Variants in DYNC1I1 observed in about 807,000 individuals in gnomAD.
DYNC1I1 encodes the protein dynein cytoplasmic 1 intermediate chain 1, also known as cytoplasmic dynein 1 intermediate chain 1.
Under a neutral mutation model 86.6 loss-of-function variants are expected in DYNC1I1, and 43 were observed. That is an observed-to-expected ratio of 0.50 (90% CI 0.39 to 0.64). The LOEUF is 0.64. Ranked by LOEUF, DYNC1I1 falls within the 30% of genes least tolerant of loss-of-function variation. DYNC1I1 has a pLI of 0.00. For synonymous variants in DYNC1I1, 262 were observed against 283.7 expected, an observed-to-expected ratio of 0.92 and a Z score of 0.77; for missense variants, 604 against 788.8, an observed-to-expected ratio of 0.77 and a Z score of 2.81.
intron 14 of DYNC1I1, chr7:96,055,808 G>A (rs1158839331): frequency 6.6e-6 from 1 of 152,130 alleles, no homozygotes; most frequent in Non-Finnish European, 1.5e-5. Context: ...AGGGAACCAG[G>A]CCTCAGTGTT....
chr7:95,936,597 G>A (rs897627981), intron 6 of DYNC1I1, among the ~76,000 whole-genome samples: 2 of 151,938 alleles, frequency 1.3e-5, no homozygotes, highest in Admixed American at 6.6e-5. Flanking sequence ...TACCAAAAAA[G>A]AGTACTGTAA....
intron 5 of DYNC1I1, among the ~76,000 whole-genome samples, chr7:95,855,720 G>T (rs542816418): frequency 7.7e-4 from 117 of 152,286 alleles, no homozygotes; most frequent in Non-Finnish European, 1.5e-3. Flanking sequence ...ATAGGCAGTT[G>T]TAGAACAATG....
At chr7:95,951,339 G>A (rs1792547003) in intron 6 of DYNC1I1, among the ~76,000 whole-genome samples, 2 of 152,108 alleles carry the variant, frequency 1.3e-5, no homozygotes, top group South Asian at 4.1e-4. Flanking sequence ...CATTTACGAA[G>A]CCTGGGATAT....
intron 6 of DYNC1I1, among the ~76,000 whole-genome samples, chr7:95,947,774 G>A (rs1232570794): frequency 6.6e-6 from 1 of 152,170 alleles, no homozygotes. Flanking sequence ...TAGGATCAGA[G>A]TGGGTGTTTG....
chr7:95,990,483 T>C (rs1166215116), intron 9 of DYNC1I1, among the ~76,000 whole-genome samples: 8 of 152,202 alleles, frequency 5.3e-5, no homozygotes, highest in Admixed American at 6.5e-5. Context: ...ACCTACTTTA[T>C]GTCATGCCCT....
intron 1 of DYNC1I1, among the ~76,000 whole-genome samples, chr7:95,801,235 CT>C (rs1269477640): frequency 2.0e-5 from 3 of 150,264 alleles, no homozygotes; most frequent in Non-Finnish European, 4.4e-5. Context: ...CTAATATAAT[CT>C]TTTTTTAAGT....
At chr7:95,958,572 G>C (rs1193580176) in intron 6 of DYNC1I1, among the ~76,000 whole-genome samples, 2 of 151,792 alleles carry the variant, frequency 1.3e-5, no homozygotes, top group Non-Finnish European at 1.5e-5. Context: ...TAAAAAAAAA[G>C]AAAAGAAAAG....
intron 16 of DYNC1I1, among the ~76,000 whole-genome samples, chr7:96,089,466 A>G (rs1304813665): frequency 6.6e-6 from 1 of 152,130 alleles, no homozygotes; most frequent in Non-Finnish European, 1.5e-5. Flanking sequence ...CAAGTTGGCT[A>G]CAGATTGATG....
intron 6 of DYNC1I1, among the ~76,000 whole-genome samples, chr7:95,972,203 T>G (rs553522237): frequency 1.3e-5 from 2 of 152,116 alleles, no homozygotes; most frequent in South Asian, 2.1e-4. Context: ...CTAGTGGGAT[T>G]TATTGGAAGG....
intron 16 of DYNC1I1, among the ~76,000 whole-genome samples, chr7:96,081,417 A>G (rs561291308): frequency 6.2e-4 from 95 of 152,166 alleles, no homozygotes; most frequent in Non-Finnish European, 1.0e-3. Flanking sequence ...TTATCTATCA[A>G]TTGTACTTAA....
rs768262973 is a variant in DYNC1I1, at chr7:96,110,052, T to TG, written c.1617dup (p.Leu540AlafsTer?). Reference sequence around the variant, plus strand: ...ATCCTCCTATGTTGGCCTCCCAAAGTGCTGGGATTACAGACATGAGCCACT... The same window carrying TG: ...ATCCTCCTATGTTGGCCTCCCAAAGTGGCTGGGATTACAGACATGAGCCACT... On this transcript the variant is annotated frameshift_variant, in exon 17 of 17. Transcript: ENST00000537881. LOFTEE classifies it high-confidence loss of function. 1 of 440,604 alleles carries TG rather than the reference T, an allele frequency of 2.3e-6. No homozygotes were observed. The highest frequency in any genetic ancestry group is 1.6e-5 in the South Asian group (1 of 62,546). 27.3% of individuals were successfully genotyped at this position (440,604 alleles called of 1,614,324 possible).
At chr7:95,795,660 C>A (rs1794417493) in intron 1 of DYNC1I1, among the ~76,000 whole-genome samples, 1 of 152,068 alleles carries the variant, frequency 6.6e-6, no homozygotes, top group Admixed American at 6.6e-5. Context: ...ACCAGATGTT[C>A]TTACTTGTAA....
intron 6 of DYNC1I1, among the ~76,000 whole-genome samples, chr7:95,974,343 G>A (rs542738386): frequency 6.6e-6 from 1 of 152,158 alleles, no homozygotes; most frequent in Non-Finnish European, 1.5e-5. Flanking sequence ...GTCAATATTT[G>A]TTAGACTCTA....
intron 6 of DYNC1I1, among the ~76,000 whole-genome samples, chr7:95,964,119 T>C (rs1009815687): frequency 6.6e-6 from 1 of 152,190 alleles, no homozygotes; most frequent in Non-Finnish European, 1.5e-5. Context: ...GCTAATGATC[T>C]TCCTTGAGAA....
At chr7:96,108,718 C>T (rs995253924) in intron 16 of DYNC1I1, among the ~76,000 whole-genome samples, 9 of 151,728 alleles carry the variant, frequency 5.9e-5, no homozygotes, top group Non-Finnish European at 1.3e-4. Context: ...AAAAATTAAC[C>T]GGGTGTGGTG....
At chr7:95,856,210 G>A (rs2600566) in intron 5 of DYNC1I1, among the ~76,000 whole-genome samples, 25 of 151,694 alleles carry the variant, frequency 1.6e-4, no homozygotes, top group East Asian at 1.9e-4. Flanking sequence ...GCACATTAGC[G>A]TAAGCATACA....
At chr7:96,083,242 A>G (rs544430580) in intron 16 of DYNC1I1, among the ~76,000 whole-genome samples, 81 of 152,298 alleles carry the variant, frequency 5.3e-4, no homozygotes, top group Admixed American at 1.8e-3. Context: ...TATAGCTCAG[A>G]AAAACTCAGA....
intron 6 of DYNC1I1, among the ~76,000 whole-genome samples, chr7:95,943,927 G>T (rs1792316611): frequency 6.6e-6 from 1 of 151,970 alleles, no homozygotes; most frequent in African/African-American, 2.4e-5. Context: ...AACCCTAGAA[G>T]AAAACCTAGG....
chr7:95,941,303 G>A (rs564433637), intron 6 of DYNC1I1, among the ~76,000 whole-genome samples: 2,200 of 152,040 alleles, frequency 0.014, 53 homozygotes, highest in African/African-American at 0.05. Context: ...CCAGCTGCGT[G>A]CTGGGAGAAC....
Sources: gnomAD v4.1 joint callset for allele counts (sites outside exome capture counted in the v4.1 genomes callset) on GRCh38, gnomAD v4.1.1 for gene constraint, MANE v1.5 for transcripts, NCBI Gene and HGNC (gene_info 2026-07-23, HGNC 2026-07-21) for gene names.